Variants in TRIM6 observed in about 807,000 individuals in gnomAD.
TRIM6 encodes tripartite motif containing 6, also known as tripartite motif-containing protein 6.
A neutral mutation model predicts 51.2 loss-of-function variants in TRIM6; 43 were observed. That is an observed-to-expected ratio of 0.84 (90% CI 0.66 to 1.08). The LOEUF (loss-of-function observed/expected upper bound fraction) is 1.08. Ranked by LOEUF, TRIM6 falls within the 50% of genes least tolerant of loss-of-function variation. The pLI, the probability that TRIM6 is intolerant of heterozygous loss-of-function variation, is 0.00. For missense variants in TRIM6, 669 were observed against 619.0 expected (o/e 1.08, Z -0.86); for synonymous variants, 215 against 232.4 (o/e 0.93, Z 0.68).
intron 1 of TRIM6, among the ~76,000 whole-genome samples, chr11:5,602,763 G>A (rs181713803): frequency 2.0e-5 from 3 of 151,596 alleles, no homozygotes; most frequent in African/African-American, 7.2e-5. Context: ...AGACCACCCT[G>A]GCTAACATGG....
Position 5,605,558 on chromosome 11 carries a change from G to C in TRIM6, c.825G>C (p.Glu275Asp). The C allele has an allele frequency of 6.2e-7, 1 of 1,613,654 alleles. No homozygotes were observed. Among genetic ancestry groups the C allele is most frequent in the African/African-American group, 1.3e-5 (1 of 74,996 alleles). ...LERRCQGSTM[E>D]LLQDVSDVTE... is the part of the protein sequence containing the mutation. ...GTCGATGTCAGGGGTCAACAATGGAGCTGCTGCAGGTAAGGCTTGTGAAGG... is the reference window on the plus strand; with the variant it reads ...GTCGATGTCAGGGGTCAACAATGGACCTGCTGCAGGTAAGGCTTGTGAAGG... Residue 275 changes from glutamate (E) to aspartate (D), a missense_variant, in exon 4 of 8, where the codon GAG becomes GAC. Transcript: ENST00000380097.
rs890676619 is a variant in TRIM6, at chr11:5,611,069, G to C, written c.1278G>C (p.Gln426His). The C allele has an allele frequency of 1.9e-6, 3 of 1,614,068 alleles. No individual in the cohort carries two copies. The African/African-American group carries it at 4.0e-5, about 22-fold the overall frequency. The part of the protein sequence containing the change: ...NHSAYSRYQP[Q>H]SGYWVIGLQH... The stretch of plus-strand genomic sequence containing the variant: ...GTGCTTACTCCAGGTATCAGCCTCA[G>C]AGTGGATACTGGGTGATTGGGTTAC... Residue 426 changes from glutamine to histidine, a missense_variant, in exon 8 of 8, where the codon CAG becomes CAC. Coordinates refer to ENST00000380097, the MANE Select transcript of TRIM6 (RefSeq NM_001003818.3).
rs1275464021 is a variant in TRIM6 at position 5,603,256 on chromosome 11, G to C, written c.28G>C (p.Ala10Pro). 2 of 1,613,402 alleles carry C rather than the reference G, an allele frequency of 1.2e-6. No individual in the cohort carries two copies. The highest frequency in any genetic ancestry group is 2.7e-5 in the African/African-American group (2 of 74,848). The change falls in exon 2 of 8, where the codon GCA (alanine) becomes CCA (proline). Residue 10 changes from alanine (A) to proline (P), a missense_variant. Coordinates refer to ENST00000380097, the MANE Select transcript of TRIM6 (RefSeq NM_001003818.3). MCGSERILQ[A>P]GNILEIRVGQ... The stretch of plus-strand genomic sequence containing the variant: ...TGTTCATCTACCTAGGATTCTACAG[G>C]CAGGAAACATCTTAGAAATCAGGGT...
chr11:5,596,812 A>G lies in TRIM6; in HGVS notation c.-86A>G, dbSNP rs1220855535. On this transcript the variant is annotated 5_prime_UTR_variant, in exon 1 of 8. Transcript: ENST00000380097. ...TGAGCGCGCTCTGTTCCTTAAGATT[A>G]GTTTAAGGTGCCTTGGATTGCTCTG... The G allele has an allele frequency of 1.2e-6, 2 of 1,606,966 alleles. No homozygotes were observed. The highest frequency in any genetic ancestry group is 2.7e-5 in the African/African-American group (2 of 74,672).
intron 4 of TRIM6, among the ~76,000 whole-genome samples, chr11:5,607,580 A>C (rs1283680710): frequency 6.6e-6 from 1 of 152,250 alleles, no homozygotes; most frequent in East Asian, 1.9e-4. Flanking sequence ...CACAGAAATG[A>C]GACTAGCAGT....
rs757350177 is a variant in TRIM6, at chr11:5,603,303, A to T, written c.75A>T (p.Arg25Ser). The T allele has an allele frequency of 9.9e-6, 16 of 1,614,032 alleles. No individual in the cohort carries two copies. The East Asian group carries it at 3.6e-4, about 36-fold the overall frequency. ...EIRVGQAGAR[R>S]VATMTSPVLV... ...GGGTTGGGCAGGCAGGAGCCAGGAGAGTAGCTACAATGACTTCACCAGTAC... is the reference window on the plus strand; with the variant it reads ...GGGTTGGGCAGGCAGGAGCCAGGAGTGTAGCTACAATGACTTCACCAGTAC... The change falls in exon 2 of 8, where the codon AGA becomes AGT. Residue 25 changes from arginine (R) to serine (S), a missense_variant. Coordinates refer to ENST00000380097, the MANE Select transcript of TRIM6 (RefSeq NM_001003818.3).
chr11:5,609,344 G>A (rs1848424434), intron 5 of TRIM6, among the ~76,000 whole-genome samples: 1 of 152,054 alleles, frequency 6.6e-6, no homozygotes, highest in South Asian at 2.1e-4. Flanking sequence ...ATGCTGTTTT[G>A]AAGGTTTTCT....
At chr11:5,599,035 G>C (rs1044618889) in intron 1 of TRIM6, among the ~76,000 whole-genome samples, 2 of 152,040 alleles carry the variant, frequency 1.3e-5, no homozygotes, top group Non-Finnish European at 2.9e-5. Flanking sequence ...CTCTTTTCTA[G>C]GATTTCACAT....
Position 5,611,067 on chromosome 11 carries a change from CAG to C in TRIM6, c.1279_1280del (p.Ser427TrpfsTer10). ...CAGTGCTTACTCCAGGTATCAGCCT[CAG>C]AGTGGATACTGGGTGATTGGGTTAC... is the stretch of plus-strand genomic sequence containing the variant. ...NHSAYSRYQP[Q>X]SGYWVIGLQH... On this transcript the variant is annotated frameshift_variant, in exon 8 of 8. Transcript: ENST00000380097. LOFTEE classifies it high-confidence loss of function. The C allele has an allele frequency of 6.2e-7, 1 of 1,614,206 alleles. No homozygotes were observed. Among genetic ancestry groups the C allele is most frequent in the South Asian group, 1.1e-5 (1 of 91,080 alleles).
rs929986810 is a variant in TRIM6, at chr11:5,596,993, T to C, written c.17+79T>C. The C allele has an allele frequency of 2.5e-6, 4 of 1,607,598 alleles. No individual in the cohort carries two copies. In the East Asian group the frequency reaches 8.9e-5, roughly 36 times the overall value. Reference sequence around the variant, plus strand: ...CAGGGCAGTGAAAGAGATAAGGTCCTTTCCCTTTCGGAACTCATTATATCT... The same window carrying C: ...CAGGGCAGTGAAAGAGATAAGGTCCCTTCCCTTTCGGAACTCATTATATCT... On this transcript the variant is annotated intron_variant, in intron 1 of 7. Coordinates refer to ENST00000380097, the MANE Select transcript of TRIM6 (RefSeq NM_001003818.3).
intron 1 of TRIM6, among the ~76,000 whole-genome samples, chr11:5,598,461 A>G (rs1847613912): frequency 6.6e-6 from 1 of 152,238 alleles, no homozygotes; most frequent in Non-Finnish European, 1.5e-5. Flanking sequence ...TGAACTAGAA[A>G]TAGAATGAAG....
chr11:5,604,165 TGTGTGTGTGTGC>T (rs571111369), intron 2 of TRIM6, among the ~76,000 whole-genome samples: 38 of 143,294 alleles, frequency 2.7e-4, no homozygotes, highest in Non-Finnish European at 5.2e-4. Flanking sequence ...CAGCTAATTG[TGTGTGTGTGTGC>T]GTGTGTGTGT....
In TRIM6 at chr11:5,603,392, G is replaced by A. The variant is rs151130254; in HGVS notation, c.164G>A (p.Ser55Asn). ...ICLELLTEPL[S>N]IDCGHSFCQA... is the part of the protein sequence containing the mutation. Reference sequence around the variant, plus strand: ...CTGGAGCTCCTAACAGAACCCCTGAGCATAGACTGTGGCCACAGCTTCTGC... The same window carrying A: ...CTGGAGCTCCTAACAGAACCCCTGAACATAGACTGTGGCCACAGCTTCTGC... Residue 55 changes from serine to asparagine, a missense_variant, in exon 2 of 8, where the codon AGC (serine) becomes AAC (asparagine). Ser to Asn is a conservative substitution (Grantham distance 46, BLOSUM62 1). Coordinates refer to ENST00000380097, the MANE Select transcript of TRIM6 (RefSeq NM_001003818.3). The A allele has an allele frequency of 6.2e-7, 1 of 1,614,096 alleles. No individual in the cohort carries two copies. Among genetic ancestry groups the A allele is most frequent in the Admixed American group, 1.7e-5 (1 of 59,992 alleles).
intron 1 of TRIM6, among the ~76,000 whole-genome samples, chr11:5,602,453 T>C (rs1847928485): frequency 6.6e-6 from 1 of 151,108 alleles, no homozygotes; most frequent in Non-Finnish European, 1.5e-5. Flanking sequence ...GAGGTGAATA[T>C]GTGGAGAGTG....
chr11:5,596,948 G>C (rs1373063096), intron 1 of TRIM6, 34 bp downstream of exon 1: 1 of 1,613,938 alleles, frequency 6.2e-7, no homozygotes, highest in Non-Finnish European at 8.5e-7. Context: ...GGCTCTTATT[G>C]TCACTTCTGG....
At chr11:5,598,390 G>C (rs2133809678) in intron 1 of TRIM6, among the ~76,000 whole-genome samples, 1 of 152,108 alleles carries the variant, frequency 6.6e-6, no homozygotes, top group African/African-American at 2.4e-5. Context: ...ATTTTTCTCT[G>C]TCTAAAGAGA....
At chr11:5,603,111 C>T (rs754979487) in intron 1 of TRIM6, 135 bp from the exon 2 acceptor site, 57 of 1,412,634 alleles carry the variant, frequency 4.0e-5, no homozygotes, top group Non-Finnish European at 5.1e-5. Flanking sequence ...GGATAAAGAA[C>T]GTATTGGATA....
chr11:5,606,173 T>C (rs2133846795), intron 4 of TRIM6, among the ~76,000 whole-genome samples: 3 of 152,324 alleles, frequency 2.0e-5, no homozygotes, highest in Admixed American at 2.0e-4. Flanking sequence ...TTAGAGATGA[T>C]GTATTACCAG....
intron 5 of TRIM6, among the ~76,000 whole-genome samples, chr11:5,608,647 C>T (rs956408086): frequency 3.3e-5 from 5 of 151,770 alleles, no homozygotes; most frequent in African/African-American, 9.7e-5. Context: ...TGCAGTATTG[C>T]GCCACTGCAC....
Sources: gnomAD v4.1 joint callset for allele counts (sites outside exome capture counted in the v4.1 genomes callset) on GRCh38, gnomAD v4.1.1 for gene constraint, MANE v1.5 for transcripts, NCBI Gene and HGNC (gene_info 2026-07-23, HGNC 2026-07-21) for gene names.